RBFOX3: variants seen among roughly 807,000 people sequenced by gnomAD.
RBFOX3 encodes RNA binding protein fox-1 homolog 3.
In RBFOX3, 17 loss-of-function variants were observed where a neutral mutation model predicts 48.7. That is an observed-to-expected ratio of 0.35 (90% CI 0.24 to 0.52). The LOEUF (loss-of-function observed/expected upper bound fraction) is 0.52, where lower values mean the gene tolerates loss of function less well. RBFOX3 is among the 20% of genes least tolerant of loss of function. The pLI is 0.94. For synonymous variants in RBFOX3, 212 were observed against 209.5 expected (o/e 1.01, Z -0.10); for missense variants, 382 against 497.5 (o/e 0.77, Z 2.21).
At chr17:79,438,935 TG>T (rs1568251346) in intron 2 of RBFOX3, among the ~76,000 whole-genome samples, 1 of 152,204 alleles carries the variant, frequency 6.6e-6, no homozygotes, top group East Asian at 1.9e-4. Flanking sequence ...TGTCCATACA[TG>T]GGGCAGGAAG....
the RBFOX3 span, among the ~76,000 whole-genome samples, chr17:79,657,974 G>C: frequency 5.6e-3 from 849 of 152,184 alleles, 16 homozygotes; most frequent in Admixed American, 0.018. Flanking sequence ...AAGACGAAAC[G>C]ACCCCAGGCT....
chr17:79,129,785 C>T (rs570452858), intron 4 of RBFOX3, among the ~76,000 whole-genome samples: 65 of 152,380 alleles, frequency 4.3e-4, no homozygotes, highest in African/African-American at 1.4e-3. Flanking sequence ...TCTAAACTAC[C>T]AGCCTGAAAT....
intron 2 of RBFOX3, among the ~76,000 whole-genome samples, chr17:79,309,720 C>T (rs930943484): frequency 6.6e-6 from 1 of 152,134 alleles, no homozygotes; most frequent in Non-Finnish European, 1.5e-5. Context: ...TGGATCATGG[C>T]GGCAGTTTCC....
chr17:79,537,466 T>C (rs782426437), intron 1 of RBFOX3, among the ~76,000 whole-genome samples: 15 of 152,182 alleles, frequency 9.9e-5, no homozygotes, highest in Admixed American at 2.0e-4. Context: ...AGGTTAGGAT[T>C]TGGACCTGAG....
In RBFOX3 at chr17:79,381,117, G is replaced by A. The variant is rs139258082; in HGVS notation, c.-174-73293C>T. Among the ~76,000 whole-genome samples, 65 of 152,152 alleles carry A rather than the reference G, an allele frequency of 4.3e-4. 1 individual carries two copies. The Middle Eastern group carries it at 0.01, about 24-fold the overall frequency. Reference sequence around the variant, plus strand: ...TCTACTGAAATTACAAAAATTAGCCGGGCATGGTGGTGTGTGCCTGTGGTT... The same window carrying A: ...TCTACTGAAATTACAAAAATTAGCCAGGCATGGTGGTGTGTGCCTGTGGTT... On this transcript the variant is annotated intron_variant, in intron 2 of 14. Transcript: ENST00000693108.
the RBFOX3 span, among the ~76,000 whole-genome samples, chr17:79,620,464 T>TGC: frequency 7.8e-6 from 1 of 128,846 alleles, no homozygotes; most frequent in Non-Finnish European, 1.7e-5. Context: ...CGCACACACA[T>TGC]GCACACGTGC....
intron 1 of RBFOX3, among the ~76,000 whole-genome samples, chr17:79,485,584 C>T (rs1359674757): frequency 5.9e-5 from 9 of 152,194 alleles, no homozygotes; most frequent in East Asian, 1.9e-4. Context: ...GAGCTGAAGG[C>T]GGTGCCCCCA....
rs1272303620 is a variant in RBFOX3 at position 79,204,040 on chromosome 17, A to C, written c.-34+31726T>G. ...GGAAGTGGCCCCTTCCATCTTTGCT[A>C]AGAGAAAGCAGACTTTTCTCACCTG... On this transcript the variant is annotated intron_variant, in intron 4 of 14. Transcript: ENST00000693108. This position sits in a 1 kb window ranked among gnomAD's most constrained non-coding sequence, Gnocchi z 4.5. Among the ~76,000 whole-genome samples, 1 of 152,172 alleles carries C rather than the reference A, an allele frequency of 6.6e-6. No homozygotes were observed. Among genetic ancestry groups the C allele is most frequent in the African/African-American group, 2.4e-5 (1 of 41,430 alleles).
rs543669953 is a variant in RBFOX3 at position 79,253,445 on chromosome 17, G to A, written c.-73-17640C>T. ...AACCAGAAACGAATCTTTCTTTATG[G>A]ACCATTAAAGATCTAATGTTTAATT... is the stretch of plus-strand genomic sequence containing the variant. On this transcript the variant is annotated intron_variant, in intron 3 of 14. Coordinates refer to ENST00000693108, the MANE Select transcript of RBFOX3 (RefSeq NM_001350451.2). Among the ~76,000 whole-genome samples, 4 of 152,262 alleles carry A rather than the reference G, an allele frequency of 2.6e-5. No individual in the cohort carries two copies. The South Asian group carries it at 8.3e-4, about 32-fold the overall frequency.
rs1218143186 is a variant in RBFOX3, at chr17:79,220,040, G to T, written c.-34+15726C>A. Among the ~76,000 whole-genome samples the T allele has an allele frequency of 6.6e-6, 1 of 150,710 alleles. No individual in the cohort carries two copies. Among genetic ancestry groups the T allele is most frequent in the Non-Finnish European group, 1.5e-5 (1 of 67,652 alleles). ...ACACCTCCAACCGGCACCCCTGCCT[G>T]CTGGGCCCTGGGGGAAGGGTGGCAT... On this transcript the variant is annotated intron_variant, in intron 4 of 14. Transcript: ENST00000693108. This position sits in a 1 kb window ranked among gnomAD's most constrained non-coding sequence, Gnocchi z 5.9.
chr17:79,216,723 C>T (rs762921599), intron 4 of RBFOX3, among the ~76,000 whole-genome samples: 1 of 152,148 alleles, frequency 6.6e-6, no homozygotes, highest in Non-Finnish European at 1.5e-5. Flanking sequence ...CCTGCTTGAC[C>T]GGGCACAGAA....
At chr17:79,164,598 C>A (rs957059286) in intron 4 of RBFOX3, among the ~76,000 whole-genome samples, 1 of 152,212 alleles carries the variant, frequency 6.6e-6, no homozygotes, top group Non-Finnish European at 1.5e-5. Context: ...GGAGGCCCAG[C>A]GTCAGGTGCG....
At chr17:79,583,052 G>A (rs2093129896) in intron 1 of RBFOX3, among the ~76,000 whole-genome samples, 1 of 152,176 alleles carries the variant, frequency 6.6e-6, no homozygotes, top group Non-Finnish European at 1.5e-5. Context: ...CCGTTCCTAA[G>A]GGGCCACATC....
At chr17:79,241,170 T>C (rs2062313664) in intron 3 of RBFOX3, among the ~76,000 whole-genome samples, 6 of 142,832 alleles carry the variant, frequency 4.2e-5, no homozygotes. Flanking sequence ...TGTCTATCTA[T>C]TTAATCTTTT....
At chr17:79,638,428 T>TA in the RBFOX3 span, among the ~76,000 whole-genome samples, 8 of 150,132 alleles carry the variant, frequency 5.3e-5, 1 homozygote, top group South Asian at 1.7e-3. Context: ...GTCTCTGAAA[T>TA]AAAAAAGATT....
chr17:79,647,725 C>T, the RBFOX3 span, among the ~76,000 whole-genome samples: 2 of 152,130 alleles, frequency 1.3e-5, no homozygotes, highest in South Asian at 4.1e-4. Context: ...ATGACCAGGG[C>T]CTTGTGGCTC....
At chr17:79,553,037 C>A (rs906304095) in intron 1 of RBFOX3, among the ~76,000 whole-genome samples, 47 of 152,250 alleles carry the variant, frequency 3.1e-4, no homozygotes, top group South Asian at 2.7e-3. Context: ...GCTTCTGCTA[C>A]AATATGAAAT....
At chr17:79,120,691 T>C (rs537634846) in intron 4 of RBFOX3, among the ~76,000 whole-genome samples, 8 of 78,532 alleles carry the variant, frequency 1.0e-4, no homozygotes, top group South Asian at 9.9e-4. Context: ...GTTGGATGGA[T>C]AGATGGGTGG....
chr17:79,454,555 C>A (rs1174285422), intron 2 of RBFOX3, among the ~76,000 whole-genome samples: 3 of 152,200 alleles, frequency 2.0e-5, no homozygotes, highest in African/African-American at 7.2e-5. Flanking sequence ...CTGTCCACAG[C>A]AAAGGGGTCC....
Sources: gnomAD v4.1 joint callset for allele counts (sites outside exome capture counted in the v4.1 genomes callset) on GRCh38, gnomAD v4.1.1 for gene constraint, Gnocchi (gnomAD v3.1) non-coding constraint, MANE v1.5 for transcripts, NCBI Gene and HGNC (gene_info 2026-07-23, HGNC 2026-07-21) for gene names.